Variants in POR observed in about 807,000 individuals in gnomAD.
POR encodes the protein NADPH--cytochrome P450 reductase.
A neutral mutation model predicts 84.0 loss-of-function variants in POR; 56 were observed. The observed-to-expected ratio is 0.67, with a 90% CI of 0.54 to 0.83. POR has a LOEUF of 0.83. Ranked by LOEUF, POR falls within the 40% of genes least tolerant of loss-of-function variation. POR has a pLI of 0.00. For missense variants in POR, 938 were observed against 944.3 expected (o/e 0.99, Z 0.09); for synonymous variants, 414 against 400.5 (o/e 1.03, Z -0.40).
intron 1 of POR, among the ~76,000 whole-genome samples, chr7:75,932,324 G>A (rs1554550250): frequency 6.6e-6 from 1 of 152,058 alleles, no homozygotes. Context: ...AGAACTGCAG[G>A]TGTGCACCAA....
intron 2 of POR, among the ~76,000 whole-genome samples, chr7:75,961,718 A>G (rs2116469018): frequency 6.6e-6 from 1 of 152,308 alleles, no homozygotes; most frequent in East Asian, 1.9e-4. Context: ...TCAGTCCTCT[A>G]AAATTCAAGG....
intron 2 of POR, among the ~76,000 whole-genome samples, chr7:75,964,501 T>C (rs1788091041): frequency 6.6e-6 from 1 of 151,956 alleles, no homozygotes; most frequent in Non-Finnish European, 1.5e-5. Flanking sequence ...AGAGACGGGG[T>C]TTCACCATAT....
intron 2 of POR, chr7:75,968,386 C>T (rs1788281176): frequency 2.4e-6 from 1 of 412,930 alleles, no homozygotes; most frequent in Middle Eastern, 8.4e-4. Flanking sequence ...TTCCCTGCTT[C>T]CAAAGGAAGG....
intron 2 of POR, among the ~76,000 whole-genome samples, chr7:75,964,497 G>T (rs1283585556): frequency 2.0e-5 from 3 of 151,852 alleles, no homozygotes; most frequent in Non-Finnish European, 2.9e-5. Context: ...TAGTAGAGAC[G>T]GGGTTTCACC....
At chr7:75,985,003 G>C (rs782405208) in intron 11 of POR, 45 bp downstream of exon 11, 2 of 1,578,162 alleles carry the variant, frequency 1.3e-6, no homozygotes, top group Non-Finnish European at 1.7e-6. Flanking sequence ...TCACCCCGCC[G>C]TTTTCCGAGC....
At chr7:75,950,249 T>A (rs1787354911) in intron 1 of POR, among the ~76,000 whole-genome samples, 1 of 152,180 alleles carries the variant, frequency 6.6e-6, no homozygotes, top group African/African-American at 2.4e-5. Context: ...TTGCGGTGAT[T>A]ACGTAGGTGC....
chr7:75,965,222 C>T (rs1477861838), intron 2 of POR, among the ~76,000 whole-genome samples: 4 of 152,086 alleles, frequency 2.6e-5, no homozygotes, highest in East Asian at 1.9e-4. Flanking sequence ...TGACCAGGGC[C>T]GCTCGGCACA....
chr7:75,947,140 C>T (rs1047606680), intron 1 of POR: 15 of 152,166 alleles, frequency 9.9e-5, no homozygotes, highest in Admixed American at 3.9e-4. Context: ...CCTAACTATA[C>T]GTGGAACTGT....
At chr7:75,922,426 C>A (rs782762633) in intron 1 of POR, among the ~76,000 whole-genome samples, 13 of 151,278 alleles carry the variant, frequency 8.6e-5, no homozygotes, top group Admixed American at 6.6e-5. Flanking sequence ...TGGGTTCAAG[C>A]AATTCTCGTG....
intron 1 of POR, among the ~76,000 whole-genome samples, chr7:75,951,049 G>T (rs1416188489): frequency 9.6e-6 from 1 of 104,200 alleles, no homozygotes; most frequent in African/African-American, 3.9e-5. Context: ...ACAGAGCGAG[G>T]CTCTGTCCCC....
intron 2 of POR, among the ~76,000 whole-genome samples, chr7:75,971,913 C>G (rs1563424551): frequency 6.6e-6 from 1 of 151,920 alleles, no homozygotes; most frequent in Non-Finnish European, 1.5e-5. Flanking sequence ...TCTGAGGGGA[C>G]TCATGTGCCC....
chr7:75,946,203 A>T (rs782456127), intron 1 of POR, among the ~76,000 whole-genome samples: 2 of 151,784 alleles, frequency 1.3e-5, no homozygotes, highest in Admixed American at 6.6e-5. Context: ...ACATGTAGAG[A>T]CCTAATTTAT....
At chr7:75,952,076 TGGCCGGGCGGGGG>T in intron 1 of POR, among the ~76,000 whole-genome samples, 1 of 138,496 alleles carries the variant, frequency 7.2e-6, no homozygotes, top group Admixed American at 7.0e-5. Context: ...ATGGGGTGGC[TGGCCGGGCGGGGG>T]GCTGACCCCC....
chr7:75,962,920 T>C lies in POR; in HGVS notation c.188+8740T>C, dbSNP rs532995729. On this transcript the variant is annotated intron_variant, in intron 2 of 15. Transcript: ENST00000461988. The stretch of plus-strand genomic sequence containing the variant: ...TTCCTAAGCTTCCCTTCCATCCCGT[T>C]TCTTCCTTGAAACATCATTTGTATC... Among the ~76,000 whole-genome samples the C allele has an allele frequency of 4.7e-4, 71 of 152,324 alleles. 2 individuals carry two copies. The South Asian group carries it at 0.015, about 31-fold the overall frequency.
At chr7:75,923,230 A>C in intron 1 of POR, 1 of 1,114,756 alleles carries the variant, frequency 9.0e-7, no homozygotes, top group South Asian at 1.2e-5. Flanking sequence ...ATTGAGGAGC[A>C]CCTGGGAAAG....
chr7:75,978,074 T>C (rs897270061), intron 3 of POR, among the ~76,000 whole-genome samples: 5 of 152,222 alleles, frequency 3.3e-5, no homozygotes, highest in Admixed American at 3.3e-4. Context: ...AATTTTATAA[T>C]GAATATGTAT....
rs58236447 is a variant in POR at position 75,934,122 on chromosome 7, A to AGTGTGTGTGTGT, written c.-5+18982_-5+18993dup. ...TTTTTTTCCTGGTCCAAGACCTCAGAGTGTGTGTGTGTGTGTGTGTGTGTG... is the reference window on the plus strand; with the variant it reads ...TTTTTTTCCTGGTCCAAGACCTCAGAGTGTGTGTGTGTGTGTGTGTGTGTGTGTGTGTGTGTG... On this transcript the variant is annotated intron_variant, in intron 1 of 15. Coordinates refer to ENST00000461988, the MANE Select transcript of POR (RefSeq NM_000941.3). Among the ~76,000 whole-genome samples the AGTGTGTGTGTGT allele has an allele frequency of 4.3e-4, 54 of 126,854 alleles. No individual in the cohort carries two copies. The South Asian group carries it at 9.7e-3, about 23-fold the overall frequency. The allele number at this position is 126,854 out of a possible 152,430, so 83.2% of individuals were successfully genotyped here. A position where few individuals can be genotyped will look rare whatever the true frequency, so the allele number is the denominator to read the frequency against.
At chr7:75,955,309 TA>T (rs1181545314) in intron 2 of POR, among the ~76,000 whole-genome samples, 1 of 152,204 alleles carries the variant, frequency 6.6e-6, no homozygotes, top group African/African-American at 2.4e-5. Flanking sequence ...AGAAAAACGT[TA>T]AGGAAATAAT....
chr7:75,926,537 T>C (rs1426298760), intron 1 of POR, among the ~76,000 whole-genome samples: 2 of 152,126 alleles, frequency 1.3e-5, no homozygotes, highest in Non-Finnish European at 2.9e-5. Context: ...GGCTCACACC[T>C]GTAATCCCAG....
Sources: gnomAD v4.1 joint callset for allele counts (sites outside exome capture counted in the v4.1 genomes callset) on GRCh38, gnomAD v4.1.1 for gene constraint, MANE v1.5 for transcripts, NCBI Gene and HGNC (gene_info 2026-07-23, HGNC 2026-07-21) for gene names.